Variants in UBE4B observed in about 807,000 individuals in gnomAD.
UBE4B encodes the protein ubiquitin conjugation factor E4 B.
In UBE4B, 27 loss-of-function variants were observed where a neutral mutation model predicts 148.1. That is an observed-to-expected ratio of 0.18 (90% confidence interval 0.13 to 0.25). The LOEUF is 0.25. Among genes scored for constraint, UBE4B ranks in the 10% least tolerant of loss-of-function variants. UBE4B has a pLI of 1.00. For synonymous variants in UBE4B, 596 were observed against 619.3 expected (o/e 0.96, Z 0.56); for missense variants, 1,170 against 1,662.4 (o/e 0.70, Z 5.15).
intron 16 of UBE4B, among the ~76,000 whole-genome samples, chr1:10,135,887 G>A (rs996081156): frequency 6.6e-6 from 1 of 152,022 alleles, no homozygotes; most frequent in African/African-American, 2.4e-5. Context: ...TATCTGAAGT[G>A]AATTCTGGTG....
chr1:10,147,226 C>A (rs555399186), intron 19 of UBE4B, 136 bp downstream of exon 19: 10 of 1,386,454 alleles, frequency 7.2e-6, no homozygotes, highest in Non-Finnish European at 8.9e-6. Flanking sequence ...CGCAGTGGTT[C>A]ACGCCTGTAA....
rs1056497908 is a variant in UBE4B, at chr1:10,095,510, C to T, written c.261C>T (p.Ser87=). 10 of 1,614,170 alleles carry T rather than the reference C, an allele frequency of 6.2e-6. No homozygotes were observed. Among genetic ancestry groups the T allele is most frequent in the South Asian group, 2.2e-5 (2 of 91,088 alleles). ...QSSEGVSSLS[S]SPSNSLETQS... ...GTGAAGGAGTCAGTTCTCTCAGCAGCTCGCCCTCTAATAGCCTTGAAACGC... is the reference window on the plus strand; with the variant it reads ...GTGAAGGAGTCAGTTCTCTCAGCAGTTCGCCCTCTAATAGCCTTGAAACGC... Residue 87 remains serine (S), a synonymous_variant, in exon 3 of 28, where the codon AGC becomes AGT. Transcript: ENST00000343090.
At chr1:10,041,230 G>T (rs1261801490) in intron 1 of UBE4B, among the ~76,000 whole-genome samples, 1 of 151,818 alleles carries the variant, frequency 6.6e-6, no homozygotes, top group Non-Finnish European at 1.5e-5. Flanking sequence ...ACTAGTAAGT[G>T]GTAGAACCTG....
rs917663002 is a variant in UBE4B, at chr1:10,161,659, TC to T, written c.3198+374del. On this transcript the variant is annotated intron_variant, in intron 23 of 27. Coordinates refer to ENST00000343090, the MANE Select transcript of UBE4B (RefSeq NM_001105562.3). The surrounding 1 kb of genome is among the most constrained non-coding windows in gnomAD (Gnocchi z 4.1). ...AATTTGATTTGTTCCTATGGGCTTC[TC>T]TAGGCAACTGTGTGAATCACTCAGG... Among the ~76,000 whole-genome samples, 2 of 152,234 alleles carry T rather than the reference TC, an allele frequency of 1.3e-5. No individual in the cohort carries two copies. Among genetic ancestry groups the T allele is most frequent in the Non-Finnish European group, 2.9e-5 (2 of 68,042 alleles).
At chr1:10,079,410 T>C (rs2101844737) in intron 2 of UBE4B, among the ~76,000 whole-genome samples, 1 of 152,270 alleles carries the variant, frequency 6.6e-6, no homozygotes, top group Non-Finnish European at 1.5e-5. Context: ...TCCTCCTCCA[T>C]TGGCCTCCCA....
At chr1:10,166,551 G>T (rs775878556) in intron 23 of UBE4B, among the ~76,000 whole-genome samples, 4 of 152,148 alleles carry the variant, frequency 2.6e-5, no homozygotes, top group African/African-American at 7.2e-5. Flanking sequence ...ACTTTGGGAG[G>T]CCTAGGTGGG....
At chr1:10,085,059 T>A (rs954052182) in intron 2 of UBE4B, among the ~76,000 whole-genome samples, 2 of 152,172 alleles carry the variant, frequency 1.3e-5, no homozygotes, top group Admixed American at 6.6e-5. Context: ...AAAGTTACGA[T>A]TTTGAAATCT....
At chr1:10,120,061 A>G (rs373064775) in intron 9 of UBE4B, among the ~76,000 whole-genome samples, 39 of 152,228 alleles carry the variant, frequency 2.6e-4, no homozygotes, top group African/African-American at 8.9e-4. Flanking sequence ...AAAGTGCTAC[A>G]TTATTTGCTT....
intron 7 of UBE4B, among the ~76,000 whole-genome samples, chr1:10,109,149 T>C (rs1413764995): frequency 6.6e-6 from 1 of 151,842 alleles, no homozygotes; most frequent in Non-Finnish European, 1.5e-5. Flanking sequence ...GCTCTGTCCA[T>C]GTATCAGCCC....
intron 2 of UBE4B, among the ~76,000 whole-genome samples, chr1:10,077,095 C>T (rs1054443182): frequency 4.6e-5 from 7 of 152,216 alleles, no homozygotes; most frequent in Admixed American, 2.6e-4. Context: ...CCTAGGGCTG[C>T]TGTAACAACC....
intron 22 of UBE4B, among the ~76,000 whole-genome samples, chr1:10,160,089 C>G (rs1646136206): frequency 1.3e-5 from 2 of 152,172 alleles, no homozygotes; most frequent in Admixed American, 6.6e-5. Flanking sequence ...AGTGTAGCTT[C>G]TTTTTTTCTC....
In UBE4B at chr1:10,137,921, C is replaced by CTTTTTTT. The variant is rs70998351; in HGVS notation, c.2363+741_2363+747dup. ...ACCTTGCTTAAATCACTTACTAATTCTTTTTTTTTTTTTTTTTTTTTTTTT... is the reference window on the plus strand; with the variant it reads ...ACCTTGCTTAAATCACTTACTAATTCTTTTTTTTTTTTTTTTTTTTTTTTTTTTTTTT... On this transcript the variant is annotated intron_variant, in intron 17 of 27. Coordinates refer to ENST00000343090, the MANE Select transcript of UBE4B (RefSeq NM_001105562.3). 4.6e-4 allele frequency among the ~76,000 whole-genome samples: 31 copies of CTTTTTTT among 67,036 alleles called. 3 individuals carry two copies. Among genetic ancestry groups the CTTTTTTT allele is most frequent in the African/African-American group, 1.1e-3 (16 of 14,546 alleles). The allele number at this position is 67,036 out of a possible 152,430, so 44.0% of individuals were successfully genotyped here.
At chr1:10,103,246 G>A (rs1460481900) in intron 5 of UBE4B, 154 bp downstream of exon 5, 7 of 657,110 alleles carry the variant, frequency 1.1e-5, no homozygotes, top group Non-Finnish European at 1.7e-5. Context: ...CAATTGTTTA[G>A]CCACTTTCTT....
chr1:10,103,285 ATT>A (rs1325203475), intron 5 of UBE4B, 193 bp downstream of exon 5: 1 of 455,234 alleles, frequency 2.2e-6, no homozygotes. Context: ...TCGATAACTT[ATT>A]TTTCATTTCC....
At chr1:10,121,673 C>T (rs933965104) in intron 9 of UBE4B, among the ~76,000 whole-genome samples, 2 of 152,084 alleles carry the variant, frequency 1.3e-5, no homozygotes, top group Admixed American at 6.6e-5. Context: ...GTATTGCAGG[C>T]GTGAGCCACC....
chr1:10,139,781 T>G (rs539160972), intron 17 of UBE4B, among the ~76,000 whole-genome samples: 2 of 152,304 alleles, frequency 1.3e-5, no homozygotes, highest in South Asian at 4.1e-4. Flanking sequence ...CAGGCAGGAG[T>G]GCAATGGTGC....
At chr1:10,068,817 G>A (rs1293169144) in intron 1 of UBE4B, among the ~76,000 whole-genome samples, 1 of 152,202 alleles carries the variant, frequency 6.6e-6, no homozygotes, top group Non-Finnish European at 1.5e-5. Context: ...AGTGTAGAAG[G>A]CATTCAGACC....
intron 17 of UBE4B, among the ~76,000 whole-genome samples, chr1:10,144,067 G>T (rs1645826420): frequency 6.6e-6 from 1 of 152,180 alleles, no homozygotes; most frequent in African/African-American, 2.4e-5. Context: ...GAAAGGGGTT[G>T]AAATAGTGTT....
In UBE4B at chr1:10,151,468, G is replaced by C; in HGVS notation, c.2833G>C (p.Val945Leu). ...VEVMFMTNPA[V>L]QPRTQKFFEM... ...AGTCATGTTTATGACCAACCCTGCT[G>C]TTCAGCCACGAACCCAGAAGTTTTT... is the stretch of plus-strand genomic sequence containing the variant. The change falls in exon 21 of 28, where the codon GTT (valine) becomes CTT (leucine). Residue 945 changes from valine to leucine, a missense_variant. Coordinates refer to ENST00000343090, the MANE Select transcript of UBE4B (RefSeq NM_001105562.3). 1 of 1,614,142 alleles carries C rather than the reference G, an allele frequency of 6.2e-7. No individual in the cohort carries two copies. The highest frequency in any genetic ancestry group is 8.5e-7 in the Non-Finnish European group (1 of 1,180,038).
Sources: allele counts gnomAD v4.1 joint callset (sites outside exome capture counted in the v4.1 genomes callset), GRCh38; gene constraint gnomAD v4.1.1; non-coding constraint Gnocchi (gnomAD v3.1); transcripts MANE v1.5; gene names NCBI Gene and HGNC (gene_info 2026-07-23, HGNC 2026-07-21).